Variants in HEMK2 observed in about 807,000 individuals in gnomAD.
HEMK2 encodes methyltransferase HEMK2.
At chr21:28,581,042 C>T in the HEMK2 span, among the ~76,000 whole-genome samples, 1 of 152,070 alleles carries the variant, frequency 6.6e-6, no homozygotes, top group African/African-American at 2.4e-5. Flanking sequence ...TTTTTTTTAA[C>T]TTTGGAAAAA....
the HEMK2 span, among the ~76,000 whole-genome samples, chr21:28,745,770 T>C: frequency 5.9e-5 from 9 of 152,224 alleles, no homozygotes; most frequent in African/African-American, 2.2e-4. Flanking sequence ...GAAAGGAATT[T>C]TGAAGATGCA....
chr21:28,761,879 G>C, the HEMK2 span, among the ~76,000 whole-genome samples: 1 of 152,062 alleles, frequency 6.6e-6, no homozygotes, highest in East Asian at 1.9e-4. Flanking sequence ...AAAAGACGAA[G>C]ATTGGAATGA....
At chr21:28,880,002 A>C in the HEMK2 span, 3 of 1,249,288 alleles carry the variant, frequency 2.4e-6, no homozygotes, top group Non-Finnish European at 3.4e-6. Flanking sequence ...CTCTGAATTA[A>C]ATAACTGACA....
chr21:28,796,617 T>G, the HEMK2 span, among the ~76,000 whole-genome samples: 1 of 151,942 alleles, frequency 6.6e-6, no homozygotes. Flanking sequence ...AAGGCAGGAG[T>G]GCAGTGGTGC....
the HEMK2 span, chr21:28,671,404 T>C: frequency 1.3e-5 from 2 of 152,304 alleles, no homozygotes; most frequent in Non-Finnish European, 2.9e-5. Context: ...CTACCATGCA[T>C]CCTCCTTTTG....
chr21:28,842,958 A>G, the HEMK2 span, among the ~76,000 whole-genome samples: 1 of 152,142 alleles, frequency 6.6e-6, no homozygotes, highest in Non-Finnish European at 1.5e-5. Context: ...AAATTACTGG[A>G]GATGGAAGAA....
the HEMK2 span, among the ~76,000 whole-genome samples, chr21:28,829,417 G>C: frequency 3.3e-5 from 5 of 152,154 alleles, no homozygotes; most frequent in Non-Finnish European, 7.3e-5. Context: ...GTGGAAGTAG[G>C]TTCCTTATAA....
chr21:28,844,089 A>T, the HEMK2 span, among the ~76,000 whole-genome samples: 15 of 151,996 alleles, frequency 9.9e-5, no homozygotes, highest in African/African-American at 3.4e-4. Context: ...CAAAGGAATT[A>T]TATATATATA....
At chr21:28,859,325 T>C in the HEMK2 span, among the ~76,000 whole-genome samples, 1 of 152,206 alleles carries the variant, frequency 6.6e-6, no homozygotes. Context: ...TCCAATTATT[T>C]TTATGGTAGG....
chr21:28,815,456 C>T, the HEMK2 span, among the ~76,000 whole-genome samples: 1 of 152,048 alleles, frequency 6.6e-6, no homozygotes, highest in African/African-American at 2.4e-5. Context: ...GTCTCTCCCA[C>T]ATCCTACTAA....
the HEMK2 span, among the ~76,000 whole-genome samples, chr21:28,819,784 A>G: frequency 1.3e-5 from 2 of 152,000 alleles, no homozygotes; most frequent in South Asian, 4.2e-4. Context: ...TTTTGACCCC[A>G]TGATCCACCC....
the HEMK2 span, among the ~76,000 whole-genome samples, chr21:28,664,447 A>G: frequency 0.013 from 1,956 of 152,264 alleles, 20 homozygotes; most frequent in Non-Finnish European, 0.018. Flanking sequence ...ATCAAATACA[A>G]TATTTCTCTT....
the HEMK2 span, chr21:28,874,080 T>C: frequency 2.6e-5 from 4 of 152,218 alleles, no homozygotes; most frequent in African/African-American, 4.8e-5. Flanking sequence ...CACTGCTATA[T>C]AGCTGGTGTT....
At chr21:28,585,334 T>TAAAC in the HEMK2 span, among the ~76,000 whole-genome samples, 1 of 134,082 alleles carries the variant, frequency 7.5e-6, no homozygotes, top group Non-Finnish European at 1.5e-5. Flanking sequence ...TCTGTCTAAA[T>TAAAC]AAATAAATAA....
At chr21:28,709,472 A>T in the HEMK2 span, among the ~76,000 whole-genome samples, 1 of 152,158 alleles carries the variant, frequency 6.6e-6, no homozygotes, top group Admixed American at 6.6e-5. Context: ...AGTATTTCCA[A>T]CCGGCTGTTA....
the HEMK2 span, among the ~76,000 whole-genome samples, chr21:28,815,124 G>A: frequency 1.6e-4 from 24 of 150,482 alleles, no homozygotes; most frequent in Admixed American, 8.7e-4. Flanking sequence ...GCAAACTATC[G>A]CAAGGACAAA....
chr21:28,666,257 C>A, the HEMK2 span, among the ~76,000 whole-genome samples: 1 of 152,094 alleles, frequency 6.6e-6, no homozygotes, highest in Non-Finnish European at 1.5e-5. Context: ...ATCTTTTCTT[C>A]GGTATTTAGG....
chr21:28,595,310 C>T, the HEMK2 span, among the ~76,000 whole-genome samples: 2 of 151,678 alleles, frequency 1.3e-5, no homozygotes, highest in South Asian at 4.2e-4. Context: ...GCCCCCACAT[C>T]CCCCTAGCCA....
the HEMK2 span, among the ~76,000 whole-genome samples, chr21:28,699,894 A>T: frequency 6.6e-5 from 10 of 152,340 alleles, no homozygotes; most frequent in East Asian, 1.3e-3. Flanking sequence ...AATTTCATTG[A>T]ATTTTACAAT....
Sources: gnomAD v4.1 joint callset for allele counts (sites outside exome capture counted in the v4.1 genomes callset) on GRCh38, gnomAD v4.1.1 for gene constraint, MANE v1.5 for transcripts, NCBI Gene and HGNC (gene_info 2026-07-23, HGNC 2026-07-21) for gene names.